Variants in IL36G observed in about 807,000 individuals in gnomAD.
The protein encoded by IL36G is interleukin 36 gamma.
A neutral mutation model predicts 13.5 loss-of-function variants in IL36G; 10 were observed. The observed-to-expected ratio is 0.74, with a 90% confidence interval of 0.46 to 1.26. The LOEUF is 1.26. Ranked by LOEUF, IL36G falls within the 50% of genes most tolerant of loss-of-function variation. The probability of loss-of-function intolerance (pLI) is 0.00; values close to 1 mark genes in which losing one functional copy is unlikely to be tolerated. For missense variants in IL36G, 199 were observed against 203.0 expected (o/e 0.98, Z 0.12); for synonymous variants, 84 against 74.0 (o/e 1.13, Z -0.69).
chr2:112,978,710 T>C lies in IL36G; in HGVS notation c.55+17T>C, dbSNP rs201477223. 8.7e-6 allele frequency: 14 copies of C among 1,613,578 alleles called. 1 individual carries two copies. In the Admixed American group the frequency reaches 1.5e-4, roughly 17 times the overall value. ...ATCAATCAAGTGAATCAAATGCTGT[T>C]GGGATGGGGCTCTGGAGGCTTAGGC... On this transcript the variant is annotated intron_variant, in intron 2 of 4. Coordinates refer to ENST00000259205, the MANE Select transcript of IL36G (RefSeq NM_019618.4).
At position 112,979,226 on chromosome 2, in the gene IL36G, A is replaced by G; in HGVS notation, c.61A>G (p.Lys21Glu). Reference protein sequence around the residue: ...GGRAVYQSMCKPITGTINDLN... With the variant: ...GGRAVYQSMCEPITGTINDLN... ...TTTCTCTATCCCAAAATCAGTGTGTAAACCTATTACTGGGACTATTAATGA... is the reference window on the plus strand; with the variant it reads ...TTTCTCTATCCCAAAATCAGTGTGTGAACCTATTACTGGGACTATTAATGA... The change falls in exon 3 of 5, where the codon AAA (lysine) becomes GAA (glutamate). Residue 21 changes from lysine (K) to glutamate (E), a missense_variant. By Grantham distance (56) the Lys-to-Glu change is moderately conservative (BLOSUM62 1). Transcript: ENST00000259205. The G allele has an allele frequency of 6.3e-7, 1 of 1,593,666 alleles. No individual in the cohort carries two copies. The highest frequency in any genetic ancestry group is 1.1e-5 in the South Asian group (1 of 90,642).
chr2:112,981,205 T>C, intron 4 of IL36G: 1 of 1,269,450 alleles, frequency 7.9e-7, no homozygotes, highest in Non-Finnish European at 1.1e-6. Flanking sequence ...GTGCCTTCCC[T>C]GTTTTGGCAT....
At chr2:112,982,859 CAAGA>C (rs1414819051) in intron 4 of IL36G, among the ~76,000 whole-genome samples, 1 of 151,990 alleles carries the variant, frequency 6.6e-6, no homozygotes, top group African/African-American at 2.4e-5. Flanking sequence ...GGAGGAATTA[CAAGA>C]AAGGGATCAG....
rs1234083701 is a variant in IL36G, at chr2:112,984,800, C to G, written c.301-40C>G. 12 of 1,485,464 alleles carry G rather than the reference C, an allele frequency of 8.1e-6. No individual in the cohort carries two copies. The South Asian group carries it at 1.4e-4, about 17-fold the overall frequency. 92.0% of individuals were successfully genotyped at this position (1,485,464 alleles called of 1,614,324 possible). A position where few individuals can be genotyped will look rare whatever the true frequency, so the allele number is the denominator to read the frequency against. On this transcript the variant is annotated intron_variant, in intron 4 of 4. Transcript: ENST00000259205. Reference sequence around the variant, plus strand: ...GAATAACCTTGAATATCTCAAACAGCTTCTGTTTCTCCTAATGGGTACTTG... The same window carrying G: ...GAATAACCTTGAATATCTCAAACAGGTTCTGTTTCTCCTAATGGGTACTTG...
At chr2:112,978,326 A>T (rs1318364542) in intron 1 of IL36G, among the ~76,000 whole-genome samples, 2 of 152,236 alleles carry the variant, frequency 1.3e-5, no homozygotes, top group African/African-American at 4.8e-5. Flanking sequence ...GAGTCAGGGC[A>T]TCAGGTGCCT....
At chr2:112,981,370 C>T (rs905989235) in intron 4 of IL36G, 25 of 747,170 alleles carry the variant, frequency 3.3e-5, no homozygotes, top group Non-Finnish European at 5.6e-5. Flanking sequence ...CGGGCCTTCT[C>T]TGTGGTTCGT....
Position 112,980,080 on chromosome 2 carries a change from G to A in IL36G, c.232G>A (p.Gly78Arg). Residue 78 changes from glycine (G) to arginine (R), a missense_variant, in exon 4 of 5, where the codon GGA becomes AGA. Coordinates refer to ENST00000259205, the MANE Select transcript of IL36G (RefSeq NM_019618.4). ...AGGCAGAGGGGATCCCATTTATTTGGGAATCCAGAATCCAGAAATGTGTTT... is the reference window on the plus strand; with the variant it reads ...AGGCAGAGGGGATCCCATTTATTTGAGAATCCAGAATCCAGAAATGTGTTT... ...EQGRGDPIYL[G>R]IQNPEMCLYC... 6.2e-7 allele frequency: 1 copy of A among 1,614,032 alleles called. No homozygotes were observed. The highest frequency in any genetic ancestry group is 8.5e-7 in the Non-Finnish European group (1 of 1,179,890).
rs776035980 is a variant in IL36G at position 112,978,676 on chromosome 2, G to A, written c.38G>A (p.Arg13Lys). ...CCAGGAGACGCTGATGGTGGAGGAA[G>A]GGCCGTCTATCAATCAAGTGAATCA... ...GTPGDADGGGRAVYQSMCKPI... is the reference protein window; with the variant it reads ...GTPGDADGGGKAVYQSMCKPI... Residue 13 changes from arginine to lysine, a missense_variant, in exon 2 of 5, where the codon AGG becomes AAG. Physicochemically the swap from Arg to Lys is conservative, Grantham distance 26 (BLOSUM62 2). Coordinates refer to ENST00000259205, the MANE Select transcript of IL36G (RefSeq NM_019618.4). 2 of 1,614,148 alleles carry A rather than the reference G, an allele frequency of 1.2e-6. No homozygotes were observed. Among genetic ancestry groups the A allele is most frequent in the Non-Finnish European group, 1.7e-6 (2 of 1,180,026 alleles).
At chr2:112,979,647 G>T (rs1308778917) in intron 3 of IL36G, among the ~76,000 whole-genome samples, 2 of 152,204 alleles carry the variant, frequency 1.3e-5, no homozygotes, top group Admixed American at 1.3e-4. Context: ...AGAAAGGCAG[G>T]TTTCAGCATC....
At chr2:112,984,794 A>G (rs779385240) in intron 4 of IL36G, 46 bp from the exon 5 acceptor site, 1 of 1,480,984 alleles carries the variant, frequency 6.8e-7, no homozygotes, top group African/African-American at 1.4e-5. Context: ...TGAATATCTC[A>G]AACAGCTTCT....
At chr2:112,981,828 A>G (rs1219716333) in intron 4 of IL36G, among the ~76,000 whole-genome samples, 8 of 152,090 alleles carry the variant, frequency 5.3e-5, no homozygotes, top group East Asian at 1.9e-4. Context: ...TGAAATTTCA[A>G]TCTTTACTCT....
chr2:112,982,036 C>T (rs535475219), intron 4 of IL36G, among the ~76,000 whole-genome samples: 6 of 152,224 alleles, frequency 3.9e-5, no homozygotes, highest in African/African-American at 1.4e-4. Context: ...AGAACCCTGA[C>T]CATGTGGGGC....
At chr2:112,982,350 G>T (rs544881194) in intron 4 of IL36G, among the ~76,000 whole-genome samples, 213 of 152,318 alleles carry the variant, frequency 1.4e-3, no homozygotes, top group African/African-American at 4.9e-3. Context: ...ATTGAGGAAT[G>T]AGTCCAGAGA....
chr2:112,981,459 T>C, intron 4 of IL36G: 1 of 641,918 alleles, frequency 1.6e-6, no homozygotes, highest in Non-Finnish European at 2.8e-6. Flanking sequence ...CAGCGGGATA[T>C]AGGCACTGGA....
At chr2:112,981,198 C>T (rs1207317225) in intron 4 of IL36G, 14 of 1,248,730 alleles carry the variant, frequency 1.1e-5, no homozygotes, top group Non-Finnish European at 1.6e-5. Context: ...GCTTTCTGTG[C>T]CTTCCCTGTT....
At position 112,979,232 on chromosome 2, in the gene IL36G, A is replaced by G. The variant is rs767350083; in HGVS notation, c.67A>G (p.Ile23Val). ...TATCCCAAAATCAGTGTGTAAACCTATTACTGGGACTATTAATGATTTGAA... is the reference window on the plus strand; with the variant it reads ...TATCCCAAAATCAGTGTGTAAACCTGTTACTGGGACTATTAATGATTTGAA... Reference protein sequence around the residue: ...RAVYQSMCKPITGTINDLNQQ... With the variant: ...RAVYQSMCKPVTGTINDLNQQ... Residue 23 changes from isoleucine (I) to valine (V), a missense_variant, in exon 3 of 5, where the codon ATT becomes GTT. By Grantham distance (29) the Ile-to-Val change is conservative (BLOSUM62 3). Coordinates refer to ENST00000259205, the MANE Select transcript of IL36G (RefSeq NM_019618.4). The G allele has an allele frequency of 1.3e-6, 2 of 1,599,874 alleles. No individual in the cohort carries two copies. Among genetic ancestry groups the G allele is most frequent in the Non-Finnish European group, 8.6e-7 (1 of 1,167,148 alleles).
chr2:112,978,996 T>C (rs982617099), intron 2 of IL36G, among the ~76,000 whole-genome samples: 3 of 152,204 alleles, frequency 2.0e-5, no homozygotes, highest in Non-Finnish European at 4.4e-5. Flanking sequence ...GTTTGCCCTC[T>C]TAAACCAGTG....
Position 112,980,111 on chromosome 2 carries a change from GT to G in IL36G, c.264del (p.Cys88TrpfsTer12), listed in dbSNP as rs776787917. ...CAGAATCCAGAAATGTGTTTGTATTGTGAGAAGGTTGGAGAACAGCCCACAT... is the reference window on the plus strand; with the variant it reads ...CAGAATCCAGAAATGTGTTTGTATTGGAGAAGGTTGGAGAACAGCCCACAT... ...GIQNPEMCLY[C>X]EKVGEQPTLQ... On this transcript the variant is annotated frameshift_variant, in exon 4 of 5. Transcript: ENST00000259205. LOFTEE classifies it low-confidence loss of function (END_TRUNC). 6.2e-7 allele frequency: 1 copy of G among 1,614,122 alleles called. No individual in the cohort carries two copies. Among genetic ancestry groups the G allele is most frequent in the Non-Finnish European group, 8.5e-7 (1 of 1,179,978 alleles).
Position 112,984,879 on chromosome 2 carries a change from G to A in IL36G, c.340G>A (p.Val114Met), listed in dbSNP as rs149685371. ...GGATCTGTATGGCCAACCCGAGCCCGTGAAACCCTTCCTTTTCTACCGTGC... is the reference window on the plus strand; with the variant it reads ...GGATCTGTATGGCCAACCCGAGCCCATGAAACCCTTCCTTTTCTACCGTGC... Reference protein sequence around the residue: ...IMDLYGQPEPVKPFLFYRAKT... With the variant: ...IMDLYGQPEPMKPFLFYRAKT... The change falls in exon 5 of 5, where the codon GTG (valine) becomes ATG (methionine). Residue 114 changes from valine to methionine, a missense_variant. Val to Met is a conservative substitution (Grantham distance 21, BLOSUM62 1). Transcript: ENST00000259205. 289 of 1,614,008 alleles carry A rather than the reference G, an allele frequency of 1.8e-4. No homozygotes were observed. The highest frequency in any genetic ancestry group is 4.3e-4 in the South Asian group (39 of 91,088).
Sources: gnomAD v4.1 joint callset for allele counts (sites outside exome capture counted in the v4.1 genomes callset) on GRCh38, gnomAD v4.1.1 for gene constraint, MANE v1.5 for transcripts, NCBI Gene and HGNC (gene_info 2026-07-23, HGNC 2026-07-21) for gene names.